The following GRIK2 variants were observed in gnomAD, a reference collection of about 807,000 sequenced individuals.
GRIK2 encodes glutamate receptor ionotropic, kainate 2.
A neutral mutation model predicts 100.3 loss-of-function variants in GRIK2; 32 were observed. The observed-to-expected ratio is 0.32, with a 90% CI of 0.24 to 0.43. The LOEUF (loss-of-function observed/expected upper bound fraction) is 0.43. GRIK2 is among the 20% of genes least tolerant of loss of function. The pLI is 1.00. For synonymous variants in GRIK2, 417 were observed against 389.4 expected, an observed-to-expected ratio of 1.07 and a Z score of -0.83; for missense variants, 843 against 1,114.9, an observed-to-expected ratio of 0.76 and a Z score of 3.47.
chr6:101,710,034 A>G (rs959392578), intron 7 of GRIK2, among the ~76,000 whole-genome samples: 12 of 151,874 alleles, frequency 7.9e-5, no homozygotes, highest in African/African-American at 2.4e-4. Context: ...TCTGGGAATT[A>G]TATCATAAGA....
intron 2 of GRIK2, among the ~76,000 whole-genome samples, chr6:101,522,631 G>A (rs983768996): frequency 1.3e-5 from 2 of 152,058 alleles, no homozygotes; most frequent in Non-Finnish European, 2.9e-5. Flanking sequence ...AAGAAGGTTG[G>A]TGGGCATTAG....
At chr6:101,881,116 TA>T (rs1786211290) in intron 11 of GRIK2, among the ~76,000 whole-genome samples, 1 of 151,912 alleles carries the variant, frequency 6.6e-6, no homozygotes, top group Admixed American at 6.6e-5. Context: ...TTAATAACCA[TA>T]AAAAATTTTG....
At chr6:101,566,125 G>A (rs575051678) in intron 2 of GRIK2, among the ~76,000 whole-genome samples, 9 of 151,562 alleles carry the variant, frequency 5.9e-5, no homozygotes, top group African/African-American at 1.9e-4. Flanking sequence ...GCTGTCTCAG[G>A]GGTGACAGAG....
intron 15 of GRIK2, among the ~76,000 whole-genome samples, chr6:102,038,335 C>T (rs764409586): frequency 1.3e-5 from 2 of 151,246 alleles, no homozygotes; most frequent in African/African-American, 4.8e-5. Context: ...AATAAATTAA[C>T]CCATGTTTTA....
chr6:101,742,773 A>G (rs923066027), intron 7 of GRIK2, among the ~76,000 whole-genome samples: 3 of 152,200 alleles, frequency 2.0e-5, no homozygotes, highest in Non-Finnish European at 4.4e-5. Flanking sequence ...TTTAGCTAGC[A>G]GGTTTCAAAG....
At chr6:102,044,186 A>G (rs905236722) in intron 15 of GRIK2, among the ~76,000 whole-genome samples, 5 of 152,070 alleles carry the variant, frequency 3.3e-5, no homozygotes, top group Non-Finnish European at 7.4e-5. Context: ...CATTTTAATC[A>G]CCAAATGGTG....
chr6:101,712,437 AACT>A (rs1222672576), intron 7 of GRIK2, among the ~76,000 whole-genome samples: 1 of 151,860 alleles, frequency 6.6e-6, no homozygotes, highest in Non-Finnish European at 1.5e-5. Flanking sequence ...AATAGGTGTG[AACT>A]ACTTACTAAG....
At chr6:101,611,410 G>T (rs1464759949) in intron 2 of GRIK2, among the ~76,000 whole-genome samples, 9 of 151,826 alleles carry the variant, frequency 5.9e-5, no homozygotes, top group Admixed American at 5.3e-4. Flanking sequence ...GTCTTCTCTA[G>T]TTGAAGAACT....
intron 14 of GRIK2, among the ~76,000 whole-genome samples, chr6:101,934,446 G>T (rs770158118): frequency 2.6e-5 from 4 of 151,828 alleles, no homozygotes; most frequent in African/African-American, 4.8e-5. Context: ...TGGGGTGATT[G>T]TATATGATAG....
At chr6:102,033,640 C>A (rs1770115390) in intron 14 of GRIK2, among the ~76,000 whole-genome samples, 1 of 151,208 alleles carries the variant, frequency 6.6e-6, no homozygotes, top group African/African-American at 2.4e-5. Flanking sequence ...AATCATATTT[C>A]TTAAACTGAG....
intron 2 of GRIK2, among the ~76,000 whole-genome samples, chr6:101,533,131 C>A (rs569352341): frequency 3.3e-5 from 5 of 152,092 alleles, no homozygotes; most frequent in African/African-American, 1.2e-4. Flanking sequence ...TATAATCAGA[C>A]TGTGAAACTA....
chr6:101,511,789 G>C (rs1774332639), intron 2 of GRIK2, among the ~76,000 whole-genome samples: 1 of 151,850 alleles, frequency 6.6e-6, no homozygotes, highest in Admixed American at 6.6e-5. Flanking sequence ...TTGTTTTTAT[G>C]TTGGTTAAAA....
chr6:101,743,025 C>T (rs774965265), intron 7 of GRIK2, among the ~76,000 whole-genome samples: 5 of 152,128 alleles, frequency 3.3e-5, no homozygotes, highest in African/African-American at 4.8e-5. Context: ...GCGATCTATA[C>T]GAGCATAGTC....
intron 4 of GRIK2, among the ~76,000 whole-genome samples, chr6:101,634,411 T>C (rs1780908401): frequency 1.3e-5 from 2 of 152,216 alleles, no homozygotes; most frequent in Admixed American, 1.3e-4. Context: ...TCTTAACATA[T>C]GAAGTTTGAA....
At chr6:101,793,703 C>T (rs1222629485) in intron 7 of GRIK2, among the ~76,000 whole-genome samples, 1 of 152,148 alleles carries the variant, frequency 6.6e-6, no homozygotes, top group Admixed American at 6.5e-5. Flanking sequence ...CTCAGATCTC[C>T]AGCTGCCTGC....
At chr6:101,699,971 A>C (rs1772767109) in intron 7 of GRIK2, among the ~76,000 whole-genome samples, 1 of 151,672 alleles carries the variant, frequency 6.6e-6, no homozygotes, top group Admixed American at 6.6e-5. Context: ...ACATACTGAG[A>C]CTCCGTTTCT....
At chr6:101,732,440 G>A (rs2128372011) in intron 7 of GRIK2, among the ~76,000 whole-genome samples, 1 of 152,032 alleles carries the variant, frequency 6.6e-6, no homozygotes, top group South Asian at 2.1e-4. Flanking sequence ...AGACTTGGTT[G>A]TTTTCTACTA....
chr6:101,799,289 G>GTGTT (rs757057103), intron 7 of GRIK2, among the ~76,000 whole-genome samples: 3,934 of 151,760 alleles, frequency 0.026, 180 homozygotes, highest in African/African-American at 0.09. Flanking sequence ...GTGTGTGTGT[G>GTGTT]TGTGTGTGTG....
At chr6:102,003,936 T>A (rs1220153824) in intron 14 of GRIK2, among the ~76,000 whole-genome samples, 2 of 151,698 alleles carry the variant, frequency 1.3e-5, no homozygotes, top group Non-Finnish European at 3.0e-5. Flanking sequence ...TGACTAGGTA[T>A]TAAAGTTTTA....
Sources: gnomAD v4.1 joint callset for allele counts (sites outside exome capture counted in the v4.1 genomes callset) on GRCh38, gnomAD v4.1.1 for gene constraint, MANE v1.5 for transcripts, NCBI Gene and HGNC (gene_info 2026-07-23, HGNC 2026-07-21) for gene names.